The following PTPRN2 variants were observed in gnomAD, a reference collection of about 807,000 sequenced individuals.
PTPRN2 encodes the protein protein tyrosine phosphatase receptor type N2.
Under a neutral mutation model 118.8 loss-of-function variants are expected in PTPRN2, and 74 were observed. The ratio of observed to expected loss-of-function variants is 0.62; its 90% CI spans 0.52 to 0.76. The LOEUF (loss-of-function observed/expected upper bound fraction) is 0.76. Ranked by LOEUF, PTPRN2 falls within the 30% of genes least tolerant of loss-of-function variation. The pLI is 0.00. For synonymous variants in PTPRN2, 641 were observed against 608.0 expected (o/e 1.05, Z -0.80); for missense variants, 1,481 against 1,394.4 (o/e 1.06, Z -0.99).
rs1361907444 is a variant in PTPRN2, at chr7:157,784,523, G to A, written c.1789-101586C>T. Among the ~76,000 whole-genome samples the A allele has an allele frequency of 9.9e-5, 15 of 152,192 alleles. No individual in the cohort carries two copies. Among genetic ancestry groups the A allele is most frequent in the African/African-American group, 2.9e-4 (12 of 41,454 alleles). On this transcript the variant is annotated intron_variant, in intron 12 of 22. Coordinates refer to ENST00000389418, the MANE Select transcript of PTPRN2 (RefSeq NM_002847.5). This position sits in a 1 kb window ranked among gnomAD's most constrained non-coding sequence, Gnocchi z 4.6. ...GAACCACCTCAGCCTCAGCCTCAGC[G>A]CTGGAGAGAAAGCCCTATCCCGCTC...
intron 11 of PTPRN2, among the ~76,000 whole-genome samples, chr7:157,951,954 G>A (rs971070906): frequency 3.9e-5 from 6 of 152,270 alleles, no homozygotes; most frequent in Non-Finnish European, 5.9e-5. Flanking sequence ...CACAACTGCC[G>A]GCTGATCCTG....
At chr7:158,127,558 G>A (rs909886524) in intron 9 of PTPRN2, among the ~76,000 whole-genome samples, 7 of 152,126 alleles carry the variant, frequency 4.6e-5, no homozygotes, top group African/African-American at 9.7e-5. Flanking sequence ...CACTGTGGCC[G>A]CCACCCCAGA....
intron 2 of PTPRN2, among the ~76,000 whole-genome samples, chr7:158,369,389 G>A (rs1323317685): frequency 6.6e-6 from 1 of 152,002 alleles, no homozygotes; most frequent in African/African-American, 2.4e-5. Context: ...TACACAGAGT[G>A]TCCAAAAGTG....
At chr7:158,069,939 G>A (rs994056486) in intron 11 of PTPRN2, among the ~76,000 whole-genome samples, 3 of 152,242 alleles carry the variant, frequency 2.0e-5, no homozygotes, top group Non-Finnish European at 4.4e-5. Context: ...GGCACCCTGA[G>A]GTTTGAAAAC....
At chr7:157,577,677 G>GT (rs977767615) in intron 18 of PTPRN2, among the ~76,000 whole-genome samples, 1 of 152,192 alleles carries the variant, frequency 6.6e-6, no homozygotes, top group East Asian at 1.9e-4. Context: ...TGAGGCGAAT[G>GT]TTTTTTCTAC....
rs146522950 is a variant in PTPRN2 at position 158,584,749 on chromosome 7, G to A, written c.112+2809C>T. 2.0e-3 allele frequency among the ~76,000 whole-genome samples: 304 copies of A among 152,276 alleles called. 1 individual carries two copies. The highest frequency in any genetic ancestry group is 6.6e-3 in the African/African-American group (275 of 41,562). On this transcript the variant is annotated intron_variant, in intron 1 of 22. Transcript: ENST00000389418. Reference sequence around the variant, plus strand: ...GAAATAAGTCAGCATCGTGGAGTGCGGCTCAAGGCCACGAGAATAAACTCA... The same window carrying A: ...GAAATAAGTCAGCATCGTGGAGTGCAGCTCAAGGCCACGAGAATAAACTCA...
In PTPRN2 at chr7:158,530,811, T is replaced by C. The variant is rs114817430; in HGVS notation, c.113-41026A>G. Among the ~76,000 whole-genome samples, 95 of 152,302 alleles carry C rather than the reference T, an allele frequency of 6.2e-4. 1 individual carries two copies. Among genetic ancestry groups the C allele is most frequent in the African/African-American group, 2.0e-3 (84 of 41,574 alleles). ...AGCAGAACCCACTCCTTCCTGCTCC[T>C]GAGGGGCGAGGCAAGAGGTGTCGGG... On this transcript the variant is annotated intron_variant, in intron 1 of 22. Transcript: ENST00000389418.
intron 12 of PTPRN2, among the ~76,000 whole-genome samples, chr7:157,746,198 C>G (rs1281607134): frequency 6.6e-6 from 1 of 151,360 alleles, no homozygotes; most frequent in Admixed American, 6.6e-5. Context: ...CCCCTAGACC[C>G]CACAGTCCTC....
intron 6 of PTPRN2, among the ~76,000 whole-genome samples, chr7:158,147,757 AC>A (rs1444954278): frequency 2.0e-5 from 2 of 97,580 alleles, no homozygotes; most frequent in Admixed American, 2.2e-4. Flanking sequence ...CCTCAATGAC[AC>A]CCCACCTCAC....
chr7:157,750,731 A>G (rs1409802975), intron 12 of PTPRN2, among the ~76,000 whole-genome samples: 1 of 152,210 alleles, frequency 6.6e-6, no homozygotes, highest in Non-Finnish European at 1.5e-5. Flanking sequence ...GTACCCAGTG[A>G]GCTGTTGAGA....
chr7:157,576,923 C>T (rs1230255953), intron 18 of PTPRN2, 144 bp from the exon 19 acceptor site: 6 of 836,934 alleles, frequency 7.2e-6, no homozygotes, highest in African/African-American at 1.7e-5. Context: ...AGGTGGGTTC[C>T]CTCGGCTTCG....
intron 1 of PTPRN2, among the ~76,000 whole-genome samples, chr7:158,585,668 T>G (rs866228482): frequency 1.3e-5 from 2 of 152,370 alleles, no homozygotes; most frequent in Middle Eastern, 3.4e-3. Context: ...TTGCTGCCTC[T>G]CTCAGCTACC....
At chr7:157,549,317 C>CT (rs1265288004) in intron 21 of PTPRN2, among the ~76,000 whole-genome samples, 118 of 128,346 alleles carry the variant, frequency 9.2e-4, no homozygotes, top group African/African-American at 3.4e-3. Context: ...TCTTTTCTTT[C>CT]TTTTCTTTTT....
At chr7:158,149,803 C>CA (rs33958927) in intron 6 of PTPRN2, among the ~76,000 whole-genome samples, 41,743 of 121,358 alleles carry the variant, frequency 0.34, 6,674 homozygotes, top group Middle Eastern at 0.46. Flanking sequence ...GAGTCCATCT[C>CA]AAAAAAAAAA....
At chr7:158,536,092 G>A (rs1434385411) in intron 1 of PTPRN2, among the ~76,000 whole-genome samples, 2 of 151,660 alleles carry the variant, frequency 1.3e-5, no homozygotes, top group African/African-American at 2.4e-5. Flanking sequence ...GTTTTGTTGT[G>A]GATGTTGGCG....
At chr7:158,524,733 G>T (rs1824640711) in intron 1 of PTPRN2, among the ~76,000 whole-genome samples, 2 of 152,280 alleles carry the variant, frequency 1.3e-5, no homozygotes, top group Non-Finnish European at 1.5e-5. Flanking sequence ...GTGGGGATTG[G>T]TCCCAGGACC....
chr7:157,579,842 T>C lies in PTPRN2; in HGVS notation c.2497-1702A>G, dbSNP rs552956807. Among the ~76,000 whole-genome samples, 5 of 152,362 alleles carry C rather than the reference T, an allele frequency of 3.3e-5. No homozygotes were observed. In the East Asian group the frequency reaches 7.7e-4, roughly 23 times the overall value. ...TAAATCAAACAAATAGGCAGCCCAA[T>C]TGGGTACCAATATTACAAGCTGTTC... On this transcript the variant is annotated intron_variant, in intron 17 of 22. Coordinates refer to ENST00000389418, the MANE Select transcript of PTPRN2 (RefSeq NM_002847.5).
Position 157,657,270 on chromosome 7 carries a change from A to T in PTPRN2, c.2002-719T>A, listed in dbSNP as rs62648722. 5.0e-5 allele frequency among the ~76,000 whole-genome samples: 2 copies of T among 39,878 alleles called. 1 individual carries two copies. The allele number at this position is 39,878 out of a possible 152,430, so 26.2% of individuals were successfully genotyped here. A position where few individuals can be genotyped will look rare whatever the true frequency, so the allele number is the denominator to read the frequency against. On this transcript the variant is annotated intron_variant, in intron 13 of 22. Transcript: ENST00000389418. Reference sequence around the variant, plus strand: ...ACATCACACATATACACACACATACACCACACACACACCACACACATCACA... The same window carrying T: ...ACATCACACATATACACACACATACTCCACACACACACCACACACATCACA...
intron 2 of PTPRN2, among the ~76,000 whole-genome samples, chr7:158,329,253 A>C (rs556013591): frequency 6.6e-6 from 1 of 152,244 alleles, no homozygotes; most frequent in East Asian, 1.9e-4. Flanking sequence ...GCAGGCTAGG[A>C]GGGGAGGACA....
Sources: allele counts gnomAD v4.1 joint callset (sites outside exome capture counted in the v4.1 genomes callset), GRCh38; gene constraint gnomAD v4.1.1; non-coding constraint Gnocchi (gnomAD v3.1); transcripts MANE v1.5; gene names NCBI Gene and HGNC (gene_info 2026-07-23, HGNC 2026-07-21).